HLCS: variants seen among roughly 807,000 people sequenced by gnomAD.
The protein encoded by HLCS is biotin--protein ligase.
A neutral mutation model predicts 75.0 loss-of-function variants in HLCS; 53 were observed. The observed-to-expected ratio is 0.71, with a 90% CI of 0.57 to 0.89. The LOEUF (loss-of-function observed/expected upper bound fraction) is 0.89. Among genes scored for constraint, HLCS ranks in the 40% least tolerant of loss-of-function variants. HLCS has a pLI of 0.00. For synonymous variants in HLCS, 431 were observed against 428.6 expected (o/e 1.01, Z -0.07); for missense variants, 966 against 1,074.0 (o/e 0.90, Z 1.41).
chr21:36,778,436 T>C (rs1231108844), intron 6 of HLCS, among the ~76,000 whole-genome samples: 1 of 152,062 alleles, frequency 6.6e-6, no homozygotes. Flanking sequence ...TGCACCACCA[T>C]ACCCAGCTAA....
At chr21:36,934,231 A>T (rs1301118359) in intron 4 of HLCS, among the ~76,000 whole-genome samples, 1 of 152,162 alleles carries the variant, frequency 6.6e-6, no homozygotes, top group Non-Finnish European at 1.5e-5. Flanking sequence ...AGTTGGACCG[A>T]AAACCGGAAC....
chr21:36,897,222 G>T, intron 5 of HLCS, 91 bp from the exon 6 acceptor site: 1 of 1,257,876 alleles, frequency 7.9e-7, no homozygotes, highest in Non-Finnish European at 1.2e-6. Flanking sequence ...TTGGTAATAT[G>T]AGTACTTCCT....
At position 36,966,630 on chromosome 21, in the gene HLCS, G is replaced by C. The variant is rs1226038573; in HGVS notation, c.9C>G (p.Ile3Met). Residue 3 changes from isoleucine to methionine, a missense_variant, in exon 1 of 11, where the codon ATC (isoleucine) becomes ATG (methionine). By Grantham distance (10) the Ile-to-Met change is conservative. Transcript: ENST00000674895. ...CCCACAGGTACAGGTAGCACAGCGT[G>C]ATGAGCATGGCCGCGCCGCCGGCAG... Reference protein sequence around the residue: MLITLCYLYLWAR... With the variant: MLMTLCYLYLWAR... 1 of 982,136 alleles carries C rather than the reference G, an allele frequency of 1.0e-6. No homozygotes were observed. Among genetic ancestry groups the C allele is most frequent in the Non-Finnish European group, 1.2e-6 (1 of 828,800 alleles). The allele number at this position is 982,136 out of a possible 1,614,324, so 60.8% of individuals were successfully genotyped here. A position where few individuals can be genotyped will look rare whatever the true frequency, so the allele number is the denominator to read the frequency against.
chr21:36,756,540 A>T lies in HLCS; in HGVS notation c.2450+2T>A. 1 of 1,602,044 alleles carries T rather than the reference A, an allele frequency of 6.2e-7. No homozygotes were observed. The highest frequency in any genetic ancestry group is 8.5e-7 in the Non-Finnish European group (1 of 1,171,788). ...AAAGAATGAAGATGAGCCAGCACTG[A>T]CCTGTGGACCCAGTATCGGTAATAA... On this transcript the variant is annotated splice_donor_variant, in intron 10 of 10. Transcript: ENST00000674895. LOFTEE classifies it high-confidence loss of function.
At chr21:36,807,900 C>T (rs2061407342) in intron 6 of HLCS, among the ~76,000 whole-genome samples, 1 of 152,162 alleles carries the variant, frequency 6.6e-6, no homozygotes, top group Non-Finnish European at 1.5e-5. Context: ...CAACTGTTCA[C>T]TTAGAAAATC....
intron 6 of HLCS, among the ~76,000 whole-genome samples, chr21:36,873,321 T>A (rs2063838343): frequency 6.6e-6 from 1 of 152,140 alleles, no homozygotes. Context: ...TTTCACCATG[T>A]TGGCCAGGAT....
Position 36,814,690 on chromosome 21 carries a change from G to A in HLCS, c.1893-47405C>T, listed in dbSNP as rs528192971. On this transcript the variant is annotated intron_variant, in intron 6 of 10. Coordinates refer to ENST00000674895, the MANE Select transcript of HLCS (RefSeq NM_001352514.2). ...TCCTTATTTTGGTAGAATTCCATGT[G>A]GTCCTTTACAAACTTTAACGTGCAT... Among the ~76,000 whole-genome samples, 90 of 152,268 alleles carry A rather than the reference G, an allele frequency of 5.9e-4. 2 individuals are homozygous for A. In the South Asian group the frequency reaches 0.018, roughly 31 times the overall value.
chr21:36,863,614 T>C (rs1350170840), intron 6 of HLCS, among the ~76,000 whole-genome samples: 3 of 152,178 alleles, frequency 2.0e-5, no homozygotes, highest in African/African-American at 4.8e-5. Context: ...AGGAACGTGA[T>C]TAGATTTGCA....
intron 6 of HLCS, among the ~76,000 whole-genome samples, chr21:36,895,056 G>A (rs2064958862): frequency 6.6e-6 from 1 of 151,988 alleles, no homozygotes; most frequent in Non-Finnish European, 1.5e-5. Context: ...TGCCCTCTTG[G>A]TGACGCGCTG....
intron 1 of HLCS, among the ~76,000 whole-genome samples, chr21:36,973,064 C>CA (rs34220466): frequency 0.41 from 61,427 of 150,348 alleles, 13,230 homozygotes; most frequent in South Asian, 0.53. Context: ...AAAAAAAAAA[C>CA]AAAACATTTT....
At chr21:36,773,021 T>C (rs1232109968) in intron 6 of HLCS, among the ~76,000 whole-genome samples, 1 of 151,752 alleles carries the variant, frequency 6.6e-6, no homozygotes, top group African/African-American at 2.4e-5. Context: ...AGTAGAATTA[T>C]ATGATGATTT....
intron 6 of HLCS, among the ~76,000 whole-genome samples, chr21:36,862,439 C>T (rs1029806859): frequency 2.6e-5 from 4 of 152,202 alleles, no homozygotes; most frequent in African/African-American, 9.7e-5. Context: ...TCTCCACATC[C>T]TTGCGAATAC....
Position 36,937,063 on chromosome 21 carries a change from T to C in HLCS, c.823A>G (p.Ile275Val). 6.2e-7 allele frequency: 1 copy of C among 1,614,150 alleles called. No homozygotes were observed. Among genetic ancestry groups the C allele is most frequent in the Non-Finnish European group, 8.5e-7 (1 of 1,180,026 alleles). ...CTATAATCGTAGGGAAGGTCTGGAA[T>C]GTTCTCGGCAGACGCAAACTTGACT... ...ESVKFASAEN[I>V]PDLPYDYSSS... is the part of the protein sequence containing the mutation. The change falls in exon 4 of 11, where the codon ATT becomes GTT. Residue 275 changes from isoleucine (I) to valine (V), a missense_variant. Transcript: ENST00000674895.
chr21:36,789,486 T>A (rs1225044705), intron 6 of HLCS, among the ~76,000 whole-genome samples: 1 of 152,254 alleles, frequency 6.6e-6, no homozygotes, highest in Non-Finnish European at 1.5e-5. Context: ...TTCCCTATAA[T>A]TTTGTTTGTG....
At chr21:36,830,150 C>T (rs566327167) in intron 6 of HLCS, among the ~76,000 whole-genome samples, 59 of 152,240 alleles carry the variant, frequency 3.9e-4, no homozygotes, top group Admixed American at 1.8e-3. Context: ...AGACGACAGC[C>T]TCTACAAGCC....
At chr21:36,958,304 G>A (rs76117016) in intron 2 of HLCS, among the ~76,000 whole-genome samples, 6,227 of 151,458 alleles carry the variant, frequency 0.041, 228 homozygotes, top group East Asian at 0.14. Flanking sequence ...CAAAACCGTC[G>A]TATCAACAGC....
At chr21:36,926,662 A>C (rs1419520114) in intron 5 of HLCS, among the ~76,000 whole-genome samples, 2 of 152,104 alleles carry the variant, frequency 1.3e-5, no homozygotes, top group African/African-American at 4.8e-5. Flanking sequence ...GAAAGTTTTA[A>C]AAGATTATTA....
intron 6 of HLCS, among the ~76,000 whole-genome samples, chr21:36,856,732 C>G (rs756901804): frequency 3.3e-5 from 5 of 152,094 alleles, no homozygotes; most frequent in Non-Finnish European, 7.4e-5. Flanking sequence ...CAATAATCAC[C>G]TAGTTAAGAG....
At chr21:36,781,004 A>G (rs967640476) in intron 6 of HLCS, among the ~76,000 whole-genome samples, 2 of 148,610 alleles carry the variant, frequency 1.3e-5, no homozygotes, top group Non-Finnish European at 1.5e-5. Flanking sequence ...AAGCTAGAAA[A>G]GCTTCCTCTG....
Sources: allele counts gnomAD v4.1 joint callset (sites outside exome capture counted in the v4.1 genomes callset), GRCh38; gene constraint gnomAD v4.1.1; transcripts MANE v1.5; gene names NCBI Gene and HGNC (gene_info 2026-07-23, HGNC 2026-07-21).